RICTOR: variants seen among roughly 807,000 people sequenced by gnomAD.
RICTOR encodes RPTOR independent companion of MTOR complex 2.
Under a neutral mutation model 214.9 loss-of-function variants are expected in RICTOR, and 49 were observed. The observed-to-expected ratio is 0.23, with a 90% CI of 0.18 to 0.29. RICTOR has a LOEUF of 0.29. RICTOR is among the 10% of genes least tolerant of loss of function. The probability of loss-of-function intolerance (pLI) is 1.00; values close to 1 mark genes in which losing one functional copy is unlikely to be tolerated. For synonymous variants in RICTOR, 717 were observed against 711.3 expected (o/e 1.01, Z -0.13); for missense variants, 1,625 against 2,047.0 (o/e 0.79, Z 3.98).
At chr5:39,065,673 C>A (rs543509400) in intron 2 of RICTOR, among the ~76,000 whole-genome samples, 2 of 152,360 alleles carry the variant, frequency 1.3e-5, no homozygotes, top group Non-Finnish European at 2.9e-5. Context: ...ATAAACATTG[C>A]CATTTCAAAA....
intron 9 of RICTOR, among the ~76,000 whole-genome samples, chr5:38,977,844 C>A (rs1323055186): frequency 6.6e-6 from 1 of 151,976 alleles, no homozygotes; most frequent in Non-Finnish European, 1.5e-5. Context: ...GCCTCGGCCT[C>A]CCAAAGTGCT....
chr5:38,949,813 T>C lies in RICTOR; in HGVS notation c.4035A>G (p.Leu1345=), dbSNP rs1748563852. 3 of 1,613,372 alleles carry C rather than the reference T, an allele frequency of 1.9e-6. No homozygotes were observed. Among genetic ancestry groups the C allele is most frequent in the Non-Finnish European group, 2.5e-6 (3 of 1,179,522 alleles). The change falls in exon 31 of 38, where the codon TTA becomes TTG. Residue 1345 remains leucine (L), a synonymous_variant. Transcript: ENST00000357387. Reference sequence around the variant, plus strand: ...GAGATGCCAAAGCTTCAGAGTGAGATAAGGATGGATGCATTCTTTGTTGCT... The same window carrying C: ...GAGATGCCAAAGCTTCAGAGTGAGACAAGGATGGATGCATTCTTTGTTGCT... ...RLQQQRMHPS[L]SHSEALASPA...
At chr5:38,964,102 C>T (rs1025463902) in intron 16 of RICTOR, among the ~76,000 whole-genome samples, 2 of 151,710 alleles carry the variant, frequency 1.3e-5, no homozygotes, top group African/African-American at 4.8e-5. Flanking sequence ...AAAATAAAAT[C>T]GTCCATGTAT....
At chr5:39,030,659 G>A (rs1756213095) in intron 2 of RICTOR, among the ~76,000 whole-genome samples, 1 of 152,118 alleles carries the variant, frequency 6.6e-6, no homozygotes, top group African/African-American at 2.4e-5. Context: ...ATGAGGACAA[G>A]GACATCTTGC....
chr5:38,982,314 T>C (rs1198378959), intron 7 of RICTOR, among the ~76,000 whole-genome samples: 1 of 152,210 alleles, frequency 6.6e-6, no homozygotes, highest in Non-Finnish European at 1.5e-5. Context: ...GGGAGTTCTT[T>C]ATAAAGTAGG....
At chr5:39,069,602 C>T (rs1244721117) in intron 2 of RICTOR, among the ~76,000 whole-genome samples, 1 of 152,150 alleles carries the variant, frequency 6.6e-6, no homozygotes, top group Non-Finnish European at 1.5e-5. Context: ...AAATAAAATT[C>T]ACTGCATAGA....
chr5:39,005,566 C>T (rs74865654), intron 3 of RICTOR, among the ~76,000 whole-genome samples: 1,844 of 152,262 alleles, frequency 0.012, 17 homozygotes, highest in Middle Eastern at 0.037. Context: ...CCTCTATGTT[C>T]ATGACATAGT....
At chr5:38,958,877 T>TA (rs1749547816) in intron 22 of RICTOR, 46 bp from the exon 23 acceptor site, 1 of 1,271,526 alleles carries the variant, frequency 7.9e-7, no homozygotes, top group Non-Finnish European at 1.1e-6. Context: ...AACTTCAGCA[T>TA]AAATAGCCTA....
intron 32 of RICTOR, 79 bp from the exon 33 acceptor site, chr5:38,946,631 ATAAAAT>A (rs1314267064): frequency 1.2e-6 from 1 of 856,770 alleles, no homozygotes; most frequent in African/African-American, 1.7e-5. Flanking sequence ...ATTAAACAAA[ATAAAAT>A]TAAAATAGAA....
At chr5:38,990,770 A>ATCTGATATATC (rs1274078735) in intron 7 of RICTOR, among the ~76,000 whole-genome samples, 179 bp downstream of exon 7, 2 of 118,912 alleles carry the variant, frequency 1.7e-5, no homozygotes, top group Non-Finnish European at 1.7e-5. Flanking sequence ...TATGAGATAT[A>ATCTGATATATC]TGATATATAT....
At chr5:38,986,645 T>C (rs1752194663) in intron 7 of RICTOR, among the ~76,000 whole-genome samples, 1 of 152,208 alleles carries the variant, frequency 6.6e-6, no homozygotes. Flanking sequence ...AAATGTTATA[T>C]ATCCAATCAC....
intron 2 of RICTOR, among the ~76,000 whole-genome samples, chr5:39,051,040 T>TACAC (rs202033185): frequency 1.8e-4 from 18 of 100,970 alleles, no homozygotes; most frequent in South Asian, 6.4e-4. Flanking sequence ...CATACATATA[T>TACAC]ATACACACAC....
At chr5:39,069,551 G>A (rs1453223454) in intron 2 of RICTOR, among the ~76,000 whole-genome samples, 6 of 152,116 alleles carry the variant, frequency 3.9e-5, no homozygotes, top group African/African-American at 1.4e-4. Flanking sequence ...AGACAATTGA[G>A]GAATTCACAC....
At position 39,027,221 on chromosome 5, in the gene RICTOR, T is replaced by A. The variant is rs541897168; in HGVS notation, c.98-6085A>T. Among the ~76,000 whole-genome samples, 77 of 152,292 alleles carry A rather than the reference T, an allele frequency of 5.1e-4. 1 individual carries two copies. Among genetic ancestry groups the A allele is most frequent in the African/African-American group, 1.8e-3 (74 of 41,562 alleles). ...TAACACTTAATTACCCCCAAGGAGA[T>A]AATACATGGCAATTCAAGGATTCTT... On this transcript the variant is annotated intron_variant, in intron 2 of 37. Transcript: ENST00000357387.
At position 39,000,680 on chromosome 5, in the gene RICTOR, A is replaced by G. The variant is rs142337011; in HGVS notation, c.392+1855T>C. 1.8e-4 allele frequency among the ~76,000 whole-genome samples: 28 copies of G among 152,172 alleles called. No individual in the cohort carries two copies. In the East Asian group the frequency reaches 5.4e-3, roughly 29 times the overall value. On this transcript the variant is annotated intron_variant, in intron 5 of 37. Transcript: ENST00000357387. ...AGATAAAGATTGGAAAGGAAGATAT[A>G]AAATGGACATCATCTGTAATTAATG...
chr5:39,070,450 T>A (rs1188392811), intron 2 of RICTOR, among the ~76,000 whole-genome samples: 1 of 151,962 alleles, frequency 6.6e-6, no homozygotes, highest in Admixed American at 6.5e-5. Flanking sequence ...CAGTCCGGCC[T>A]GGGCGACAGA....
chr5:39,047,839 A>G (rs1236308279), intron 2 of RICTOR, among the ~76,000 whole-genome samples: 1 of 152,184 alleles, frequency 6.6e-6, no homozygotes, highest in Non-Finnish European at 1.5e-5. Flanking sequence ...CAAAGTGAAA[A>G]TGTTGCACTC....
intron 2 of RICTOR, among the ~76,000 whole-genome samples, chr5:39,051,564 A>G (rs752198223): frequency 2.6e-5 from 4 of 152,166 alleles, no homozygotes; most frequent in Non-Finnish European, 2.9e-5. Context: ...GCTGGCCAAC[A>G]TGGCGAAACC....
intron 10 of RICTOR, among the ~76,000 whole-genome samples, chr5:38,972,820 C>T (rs1440034070): frequency 6.7e-6 from 1 of 148,414 alleles, no homozygotes; most frequent in Non-Finnish European, 1.5e-5. Context: ...CTCAAAGAAG[C>T]TTTATCTTTG....
Sources: allele counts gnomAD v4.1 joint callset (sites outside exome capture counted in the v4.1 genomes callset), GRCh38; gene constraint gnomAD v4.1.1; transcripts MANE v1.5; gene names NCBI Gene and HGNC (gene_info 2026-07-23, HGNC 2026-07-21).